Variants in PRKAR2B observed in about 807,000 individuals in gnomAD.
The protein encoded by PRKAR2B is protein kinase cAMP-dependent type II regulatory subunit beta.
Under a neutral mutation model 49.9 loss-of-function variants are expected in PRKAR2B, and 14 were observed. The ratio of observed to expected loss-of-function variants is 0.28; its 90% CI spans 0.19 to 0.44. The LOEUF (loss-of-function observed/expected upper bound fraction) is 0.44, where lower values mean the gene tolerates loss of function less well. Among genes scored for constraint, PRKAR2B ranks in the 20% least tolerant of loss-of-function variants. The probability of loss-of-function intolerance (pLI) is 1.00; values close to 1 mark genes in which losing one functional copy is unlikely to be tolerated. For missense variants in PRKAR2B, 393 were observed against 537.9 expected (o/e 0.73, Z 2.67); for synonymous variants, 196 against 197.7 (o/e 0.99, Z 0.07).
chr7:107,087,061 T>G (rs1258427061), intron 2 of PRKAR2B, among the ~76,000 whole-genome samples: 2 of 152,196 alleles, frequency 1.3e-5, no homozygotes, highest in Non-Finnish European at 2.9e-5. Flanking sequence ...ATGTTATATG[T>G]TCTATTATGT....
chr7:107,107,760 C>T (rs1795101454), intron 2 of PRKAR2B, among the ~76,000 whole-genome samples: 1 of 151,976 alleles, frequency 6.6e-6, no homozygotes, highest in African/African-American at 2.4e-5. Context: ...TGGGTTCAAG[C>T]AATTCTCCGG....
chr7:107,128,150 A>C (rs969653652), intron 3 of PRKAR2B, 62 bp from the exon 4 acceptor site: 2 of 1,085,438 alleles, frequency 1.8e-6, no homozygotes, highest in Non-Finnish European at 2.8e-6. Flanking sequence ...AGTTTTTAAA[A>C]TCTCTTTGAG....
intron 1 of PRKAR2B, among the ~76,000 whole-genome samples, chr7:107,065,694 T>C (rs1353206827): frequency 6.6e-6 from 1 of 152,150 alleles, no homozygotes; most frequent in Non-Finnish European, 1.5e-5. Flanking sequence ...ACAAAATTAA[T>C]GGGGAGAGGG....
intron 1 of PRKAR2B, among the ~76,000 whole-genome samples, chr7:107,068,255 C>T (rs572679129): frequency 3.3e-5 from 5 of 152,126 alleles, no homozygotes; most frequent in Non-Finnish European, 5.9e-5. Context: ...GTGGCTTCAT[C>T]GTCTAAAGAG....
chr7:107,047,029 A>G (rs920345542), intron 1 of PRKAR2B, among the ~76,000 whole-genome samples: 4 of 152,270 alleles, frequency 2.6e-5, no homozygotes, highest in Admixed American at 1.3e-4. Context: ...GGGTCATTTT[A>G]TATGGCTTTA....
chr7:107,077,404 AAAC>A (rs1289359446), intron 2 of PRKAR2B: 1 of 152,222 alleles, frequency 6.6e-6, no homozygotes, highest in African/African-American at 2.4e-5. Context: ...GAAAAGGAGA[AAAC>A]ATACAGTTTT....
intron 2 of PRKAR2B, among the ~76,000 whole-genome samples, chr7:107,080,162 G>A (rs117575893): frequency 0.011 from 1,670 of 152,202 alleles, 16 homozygotes; most frequent in South Asian, 0.031. Context: ...CGTGGCTCTC[G>A]GAGGAGCACA....
chr7:107,122,405 A>T (rs543760302), intron 3 of PRKAR2B, among the ~76,000 whole-genome samples: 1 of 152,280 alleles, frequency 6.6e-6, no homozygotes, highest in Non-Finnish European at 1.5e-5. Context: ...GTGTCAGTAC[A>T]GCAGTTAGGA....
At chr7:107,094,865 A>G (rs976221515) in intron 2 of PRKAR2B, among the ~76,000 whole-genome samples, 1 of 152,128 alleles carries the variant, frequency 6.6e-6, no homozygotes, top group Non-Finnish European at 1.5e-5. Flanking sequence ...CCATTGATCT[A>G]TATCTGTTTT....
intron 1 of PRKAR2B, among the ~76,000 whole-genome samples, chr7:107,049,636 G>A (rs1373433633): frequency 6.6e-6 from 1 of 151,874 alleles, no homozygotes; most frequent in African/African-American, 2.4e-5. Flanking sequence ...TTGCAGAATA[G>A]CAATTTCATT....
At chr7:107,130,604 C>CT (rs1446267029) in intron 4 of PRKAR2B, among the ~76,000 whole-genome samples, 1 of 152,142 alleles carries the variant, frequency 6.6e-6, no homozygotes, top group African/African-American at 2.4e-5. Context: ...CAGAGTGGCC[C>CT]TGATAGATCC....
chr7:107,083,472 A>G (rs1794554917), intron 2 of PRKAR2B, among the ~76,000 whole-genome samples: 1 of 152,204 alleles, frequency 6.6e-6, no homozygotes, highest in South Asian at 2.1e-4. Context: ...GAGACGACCT[A>G]TGAGAATCAC....
intron 1 of PRKAR2B, among the ~76,000 whole-genome samples, chr7:107,046,332 G>A (rs1793693080): frequency 6.6e-6 from 1 of 152,204 alleles, no homozygotes; most frequent in Non-Finnish European, 1.5e-5. Context: ...TGTGGTTTGT[G>A]TGTCCGCAGT....
At chr7:107,076,496 C>T (rs142706035) in intron 2 of PRKAR2B, among the ~76,000 whole-genome samples, 167 of 152,118 alleles carry the variant, frequency 1.1e-3, no homozygotes, top group African/African-American at 3.7e-3. Context: ...TTCCCTATAC[C>T]GCCTGTTATG....
chr7:107,070,774 A>G (rs921032679), intron 2 of PRKAR2B, among the ~76,000 whole-genome samples: 4 of 152,166 alleles, frequency 2.6e-5, no homozygotes, highest in Admixed American at 1.3e-4. Flanking sequence ...AGGGTTTTTA[A>G]TAAGGGACAG....
At chr7:107,109,769 T>TA (rs916484863) in intron 2 of PRKAR2B, among the ~76,000 whole-genome samples, 42 of 152,016 alleles carry the variant, frequency 2.8e-4, no homozygotes, top group African/African-American at 9.4e-4. Context: ...GAAACTCTCT[T>TA]AAAAAAAATA....
intron 1 of PRKAR2B, among the ~76,000 whole-genome samples, chr7:107,048,076 C>G (rs1367321262): frequency 1.3e-5 from 2 of 152,188 alleles, no homozygotes; most frequent in East Asian, 3.8e-4. Context: ...CCCAGTGTTT[C>G]ACGTGAGCTG....
chr7:107,121,594 A>G (rs755698958), intron 2 of PRKAR2B, among the ~76,000 whole-genome samples: 4 of 152,140 alleles, frequency 2.6e-5, no homozygotes, highest in Non-Finnish European at 5.9e-5. Flanking sequence ...AGTCACAACT[A>G]TATGATTAAA....
intron 1 of PRKAR2B, among the ~76,000 whole-genome samples, chr7:107,062,120 A>G (rs186778931): frequency 1.1e-4 from 17 of 152,296 alleles, no homozygotes; most frequent in African/African-American, 3.6e-4. Flanking sequence ...AACTGTGGGT[A>G]TGTTATAAAG....
Sources: allele counts gnomAD v4.1 joint callset (sites outside exome capture counted in the v4.1 genomes callset), GRCh38; gene constraint gnomAD v4.1.1; transcripts MANE v1.5; gene names NCBI Gene and HGNC (gene_info 2026-07-23, HGNC 2026-07-21).